SFI1: variants seen among roughly 807,000 people sequenced by gnomAD.
SFI1 encodes the protein SFI1 centrin binding protein, also known as protein SFI1 homolog.
A neutral mutation model predicts 207.5 loss-of-function variants in SFI1; 195 were observed. That is an observed-to-expected ratio of 0.94 (90% CI 0.84 to 1.06). The LOEUF (loss-of-function observed/expected upper bound fraction) is 1.06. Among genes scored for constraint, SFI1 ranks in the 50% least tolerant of loss-of-function variants. SFI1 has a pLI of 0.00. For synonymous variants in SFI1, 630 were observed against 598.9 expected (o/e 1.05, Z -0.76); for missense variants, 1,634 against 1,588.0 (o/e 1.03, Z -0.49).
At chr22:31,586,822 G>A (rs1003536773) in intron 14 of SFI1, among the ~76,000 whole-genome samples, 9 of 152,234 alleles carry the variant, frequency 5.9e-5, no homozygotes, top group Admixed American at 3.9e-4. Flanking sequence ...CAGGGTCAGC[G>A]TTTTCATCTC....
intron 6 of SFI1, among the ~76,000 whole-genome samples, chr22:31,554,311 C>CT (rs1399106905): frequency 1.3e-5 from 2 of 151,082 alleles, no homozygotes; most frequent in Non-Finnish European, 3.0e-5. Context: ...TTTCTTTTTT[C>CT]TTTTTTTTAA....
chr22:31,563,540 T>A (rs1018362057), intron 8 of SFI1, among the ~76,000 whole-genome samples: 3 of 152,236 alleles, frequency 2.0e-5, no homozygotes, highest in Middle Eastern at 3.4e-3. Flanking sequence ...CTACTGATGC[T>A]ACTGTTGCTC....
intron 25 of SFI1, 58 bp downstream of exon 25, chr22:31,613,274 T>TTGGGTGGAGGGAGGGCACC: frequency 1.2e-6 from 2 of 1,609,616 alleles, no homozygotes; most frequent in South Asian, 2.2e-5. Flanking sequence ...TAGCCCTGCC[T>TTGGGTGGAGGGAGGGCACC]TGGGTGGAGG....
chr22:31,613,306 G>GC (rs754933357), intron 25 of SFI1, 48 bp from the exon 26 acceptor site: 20 of 1,604,858 alleles, frequency 1.2e-5, no homozygotes, highest in Non-Finnish European at 1.7e-5. Flanking sequence ...GTCTGTGGGG[G>GC]AGCTCTAAGC....
chr22:31,508,754 G>C (rs181133332), intron 2 of SFI1, among the ~76,000 whole-genome samples: 2 of 152,144 alleles, frequency 1.3e-5, no homozygotes, highest in African/African-American at 4.8e-5. Context: ...GAAGCTCTCG[G>C]CACCTTATAA....
intron 15 of SFI1, among the ~76,000 whole-genome samples, chr22:31,594,187 C>G (rs1027007238): frequency 2.6e-5 from 4 of 152,154 alleles, no homozygotes; most frequent in Non-Finnish European, 5.9e-5. Context: ...GTCATTTCCC[C>G]GAAACACTTA....
intron 14 of SFI1, among the ~76,000 whole-genome samples, 164 bp downstream of exon 14, chr22:31,585,298 T>C (rs770238310): frequency 1.3e-5 from 2 of 152,230 alleles, no homozygotes; most frequent in Non-Finnish European, 2.9e-5. Context: ...TTCCCACCTC[T>C]AATATCAGAA....
chr22:31,519,954 A>C (rs1444742487), intron 2 of SFI1, among the ~76,000 whole-genome samples: 1 of 150,770 alleles, frequency 6.6e-6, no homozygotes, highest in African/African-American at 2.4e-5. Flanking sequence ...TTTGGTAGAG[A>C]TGGGGTTTCA....
At chr22:31,577,288 A>G (rs2063625981) in intron 10 of SFI1, among the ~76,000 whole-genome samples, 1 of 152,168 alleles carries the variant, frequency 6.6e-6, no homozygotes, top group South Asian at 2.1e-4. Context: ...GTCTTAGGGG[A>G]AGACTGCAGA....
chr22:31,546,090 C>A (rs576319386), intron 4 of SFI1, among the ~76,000 whole-genome samples: 1 of 151,408 alleles, frequency 6.6e-6, no homozygotes, highest in African/African-American at 2.4e-5. Context: ...AGATTGGGTT[C>A]CACCATGTCA....
At chr22:31,571,452 A>G (rs2062939065) in intron 8 of SFI1, among the ~76,000 whole-genome samples, 1 of 150,456 alleles carries the variant, frequency 6.6e-6, no homozygotes, top group Admixed American at 6.6e-5. Context: ...AGCTGGGACT[A>G]CAGGTACACA....
chr22:31,542,908 C>T (rs1456841892), intron 4 of SFI1, among the ~76,000 whole-genome samples: 3 of 151,494 alleles, frequency 2.0e-5, no homozygotes, highest in East Asian at 2.0e-4. Flanking sequence ...GGGATCTGCC[C>T]ACCTTGGCCT....
intron 8 of SFI1, among the ~76,000 whole-genome samples, chr22:31,564,595 C>T (rs2062063720): frequency 6.6e-6 from 1 of 151,858 alleles, no homozygotes; most frequent in East Asian, 1.9e-4. Flanking sequence ...GTCTTGACCT[C>T]CCAGGCTTAA....
intron 7 of SFI1, 44 bp downstream of exon 7, chr22:31,557,103 A>G: frequency 8.2e-7 from 1 of 1,217,852 alleles, no homozygotes; most frequent in South Asian, 1.3e-5. Context: ...CCATCATTTT[A>G]CCTCATCAGC....
chr22:31,547,180 C>T (rs2060169125), intron 5 of SFI1, among the ~76,000 whole-genome samples: 1 of 152,076 alleles, frequency 6.6e-6, no homozygotes, highest in South Asian at 2.1e-4. Context: ...CACACACACA[C>T]CTCCCACACC....
intron 2 of SFI1, among the ~76,000 whole-genome samples, chr22:31,524,201 C>CA (rs1395218597): frequency 3.3e-5 from 5 of 151,136 alleles, no homozygotes; most frequent in African/African-American, 1.2e-4. Context: ...GATTCCATCT[C>CA]AAAAAAAATA....
At chr22:31,504,799 T>C (rs1197670223) in intron 1 of SFI1, among the ~76,000 whole-genome samples, 1 of 152,178 alleles carries the variant, frequency 6.6e-6, no homozygotes, top group Non-Finnish European at 1.5e-5. Flanking sequence ...GCCTCTGTCA[T>C]CACATTGCAT....
intron 15 of SFI1, among the ~76,000 whole-genome samples, chr22:31,599,867 T>C (rs2067822289): frequency 6.8e-6 from 1 of 147,996 alleles, no homozygotes; most frequent in Non-Finnish European, 1.5e-5. Flanking sequence ...TTGATGATAT[T>C]TTTATTGTTG....
At chr22:31,596,433 C>T (rs1654863789) in intron 15 of SFI1, among the ~76,000 whole-genome samples, 1 of 152,154 alleles carries the variant, frequency 6.6e-6, no homozygotes, top group African/African-American at 2.4e-5. Flanking sequence ...CTTCTGGCTT[C>T]TGCAGACAGA....
Sources: gnomAD v4.1 joint callset for allele counts (sites outside exome capture counted in the v4.1 genomes callset) on GRCh38, gnomAD v4.1.1 for gene constraint, MANE v1.5 for transcripts, NCBI Gene and HGNC (gene_info 2026-07-23, HGNC 2026-07-21) for gene names.